The following SHANK2 variants were observed in gnomAD, a reference collection of about 807,000 sequenced individuals.
The protein encoded by SHANK2 is SH3 and multiple ankyrin repeat domains 2.
Under a neutral mutation model 133.7 loss-of-function variants are expected in SHANK2, and 43 were observed. That is an observed-to-expected ratio of 0.32 (90% CI 0.25 to 0.41). The LOEUF (loss-of-function observed/expected upper bound fraction) is 0.41, where lower values mean the gene tolerates loss of function less well. Ranked by LOEUF, SHANK2 falls within the 10% of genes least tolerant of loss-of-function variation. The pLI is 1.00. For synonymous variants in SHANK2, 1,017 were observed against 952.8 expected (o/e 1.07, Z -1.24); for missense variants, 1,994 against 2,235.8 (o/e 0.89, Z 2.18).
chr11:70,747,270 G>T (rs1946660597), intron 14 of SHANK2, among the ~76,000 whole-genome samples: 1 of 152,036 alleles, frequency 6.6e-6, no homozygotes, highest in East Asian at 1.9e-4. Context: ...GGTGGGGCTC[G>T]GTGCCATGCT....
At chr11:71,104,266 G>A (rs562434258) in intron 6 of SHANK2, among the ~76,000 whole-genome samples, 1 of 152,310 alleles carries the variant, frequency 6.6e-6, no homozygotes, top group South Asian at 2.1e-4. Flanking sequence ...GCCAGCTGCA[G>A]AGAAGTAGGG....
intron 14 of SHANK2, among the ~76,000 whole-genome samples, chr11:70,768,065 G>T (rs567949872): frequency 2.4e-4 from 37 of 152,122 alleles, no homozygotes; most frequent in Admixed American, 1.7e-3. Context: ...TAGCTGGGGT[G>T]GGGGGGCTGA....
intron 2 of SHANK2, among the ~76,000 whole-genome samples, chr11:71,163,467 C>A (rs1345304019): frequency 6.6e-6 from 1 of 152,110 alleles, no homozygotes; most frequent in Non-Finnish European, 1.5e-5. Flanking sequence ...TGCAGGGAGG[C>A]AGAGCTGATG....
intron 11 of SHANK2, among the ~76,000 whole-genome samples, chr11:70,895,160 G>A (rs1038078847): frequency 2.0e-5 from 3 of 152,236 alleles, no homozygotes; most frequent in Admixed American, 6.5e-5. Flanking sequence ...CTGCACAGGT[G>A]CTTGATGACG....
intron 14 of SHANK2, among the ~76,000 whole-genome samples, chr11:70,771,524 C>T (rs1301276435): frequency 2.0e-5 from 3 of 152,196 alleles, no homozygotes; most frequent in Non-Finnish European, 4.4e-5. Context: ...AAGGGAGCAG[C>T]TGGGCTGGGT....
rs1555022880 is a variant in SHANK2 at position 70,698,668 on chromosome 11, G to A, written c.1853+20C>T. ...CAGCTTTGACCAGAGGGTCCTGGAA[G>A]AGAAAGCAGCGCGTCTTACCTGGAA... On this transcript the variant is annotated intron_variant, in intron 15 of 25. Coordinates refer to ENST00000601538, the MANE Select transcript of SHANK2 (RefSeq NM_012309.5). 4.2e-6 allele frequency: 3 copies of A among 718,634 alleles called. No homozygotes were observed. The highest frequency in any genetic ancestry group is 2.7e-5 in the East Asian group (1 of 37,298). The allele number at this position is 718,634 out of a possible 1,614,324, so 44.5% of individuals were successfully genotyped here.
At chr11:71,190,137 C>G (rs1953763267) in intron 2 of SHANK2, among the ~76,000 whole-genome samples, 1 of 152,230 alleles carries the variant, frequency 6.6e-6, no homozygotes, top group Non-Finnish European at 1.5e-5. Context: ...AGAAACCAGC[C>G]AAGCACAGGC....
chr11:70,488,604 T>C (rs1591492301), intron 24 of SHANK2, among the ~76,000 whole-genome samples: 2 of 152,280 alleles, frequency 1.3e-5, no homozygotes, highest in Admixed American at 1.3e-4. Context: ...CCAGGTTCCT[T>C]TAAAGTCCTG....
In SHANK2 at chr11:70,486,917, A is replaced by G; in HGVS notation, c.3376T>C (p.Phe1126Leu). ...TCAGCAAAATCCCCCTCCTCGGGGA[A>G]CATGGAGGGCCGCGTCCTGGGGGCG... ...PPAPRTRPSM[F>L]PEEGDFADED... Residue 1126 changes from phenylalanine to leucine, a missense_variant, in exon 25 of 26, where the codon TTC (phenylalanine) becomes CTC (leucine). Around this residue, in one of 5 missense-constraint regions of SHANK2, gnomAD observed 797 missense variants for 907.4 expected, o/e 0.88. Coordinates refer to ENST00000601538, the MANE Select transcript of SHANK2 (RefSeq NM_012309.5). The surrounding 1 kb of genome is among the most constrained non-coding windows in gnomAD (Gnocchi z 8.0). 1 of 1,612,478 alleles carries G rather than the reference A, an allele frequency of 6.2e-7. No individual in the cohort carries two copies.
At chr11:71,194,465 T>C (rs1210525117) in intron 2 of SHANK2, among the ~76,000 whole-genome samples, 1 of 152,092 alleles carries the variant, frequency 6.6e-6, no homozygotes, top group East Asian at 1.9e-4. Flanking sequence ...TTAAATCACC[T>C]CACCTTTGTG....
intron 17 of SHANK2, among the ~76,000 whole-genome samples, chr11:70,523,159 G>T (rs1183905650): frequency 6.6e-6 from 1 of 152,186 alleles, no homozygotes; most frequent in Non-Finnish European, 1.5e-5. Flanking sequence ...GTGTGCTTCT[G>T]CATCTGCCCG....
chr11:70,585,892 ACCCATCCTCCC>A (rs1290433050), intron 17 of SHANK2, among the ~76,000 whole-genome samples: 1 of 124,214 alleles, frequency 8.1e-6, no homozygotes, highest in African/African-American at 3.1e-5. Flanking sequence ...CCATGCATCC[ACCCATCCTCCC>A]CCCATCCATC....
At chr11:71,163,093 A>AATATATATAT (rs1555110179) in intron 2 of SHANK2, among the ~76,000 whole-genome samples, 1 of 84,676 alleles carries the variant, frequency 1.2e-5, no homozygotes, top group Non-Finnish European at 2.5e-5. Flanking sequence ...AAAAAAAAAA[A>AATATATATAT]ATACATATAT....
chr11:70,768,557 G>A (rs538513249), intron 14 of SHANK2, among the ~76,000 whole-genome samples: 24 of 152,280 alleles, frequency 1.6e-4, no homozygotes, highest in African/African-American at 2.9e-4. Flanking sequence ...AGTGAGGGCC[G>A]GAAGGAGGGG....
At chr11:71,081,736 G>T (rs1298667051) in intron 8 of SHANK2, among the ~76,000 whole-genome samples, 1 of 152,154 alleles carries the variant, frequency 6.6e-6, no homozygotes, top group Admixed American at 6.5e-5. Flanking sequence ...CAGGCCAGAG[G>T]GGCTCAGAAT....
intron 10 of SHANK2, among the ~76,000 whole-genome samples, chr11:70,910,824 T>C (rs1222960946): frequency 1.4e-5 from 2 of 146,114 alleles, no homozygotes; most frequent in Non-Finnish European, 3.0e-5. Flanking sequence ...AAAAAAAAGT[T>C]GAAAGAATAG....
In SHANK2 at chr11:70,487,566, G is replaced by A; in HGVS notation, c.2727C>T (p.Pro909=). The change falls in exon 25 of 26, where the codon CCC becomes CCT. Residue 909 remains proline, a synonymous_variant. Coordinates refer to ENST00000601538, the MANE Select transcript of SHANK2 (RefSeq NM_012309.5). This position sits in a 1 kb window ranked among gnomAD's most constrained non-coding sequence, Gnocchi z 5.8. The part of the protein sequence containing the change: ...PPPSPTTYNC[P]KSPTPRVYGT... The stretch of plus-strand genomic sequence containing the variant: ...CGTAGACTCTTGGAGTTGGGGACTT[G>A]GGGCAGTTGTAAGTGGTTGGGGAAG... 1 of 1,613,660 alleles carries A rather than the reference G, an allele frequency of 6.2e-7. No homozygotes were observed. Among genetic ancestry groups the A allele is most frequent in the Non-Finnish European group, 8.5e-7 (1 of 1,179,890 alleles).
rs1008161462 is a variant in SHANK2, at chr11:71,175,927, G to A, written c.-12-28589C>T. Among the ~76,000 whole-genome samples, 1 of 152,164 alleles carries A rather than the reference G, an allele frequency of 6.6e-6. No homozygotes were observed. Among genetic ancestry groups the A allele is most frequent in the African/African-American group, 2.4e-5 (1 of 41,432 alleles). ...TCCAGTTTGTGGGACAAAACCAGGA[G>A]GAGAGAGAATGGAACGGAGCCTAGT... On this transcript the variant is annotated intron_variant, in intron 2 of 25. Transcript: ENST00000601538. The surrounding 1 kb of genome is among the most constrained non-coding windows in gnomAD (Gnocchi z 4.2).
intron 16 of SHANK2, among the ~76,000 whole-genome samples, chr11:70,660,520 TGTG>T (rs1404025008): frequency 6.6e-6 from 1 of 151,976 alleles, no homozygotes; most frequent in Non-Finnish European, 1.5e-5. Flanking sequence ...GGCACTGGCA[TGTG>T]TGTGTGTGGG....
Sources: allele counts gnomAD v4.1 joint callset (sites outside exome capture counted in the v4.1 genomes callset), GRCh38; gene constraint gnomAD v4.1.1; regional missense constraint gnomAD v4.1.1; non-coding constraint Gnocchi (gnomAD v3.1); transcripts MANE v1.5; gene names NCBI Gene and HGNC (gene_info 2026-07-23, HGNC 2026-07-21).